The following TMEM132D variants were observed in gnomAD, a reference collection of about 807,000 sequenced individuals.
TMEM132D encodes the protein mature OL transmembrane protein.
TMEM132D carries 21 observed loss-of-function variants against 62.3 expected under a neutral mutation model. The ratio of observed to expected loss-of-function variants is 0.34; its 90% CI spans 0.24 to 0.49. The LOEUF (loss-of-function observed/expected upper bound fraction) is 0.49, where lower values mean the gene tolerates loss of function less well. TMEM132D is among the 20% of genes least tolerant of loss of function. The pLI, the probability that TMEM132D is intolerant of heterozygous loss-of-function variation, is 0.99. For missense variants in TMEM132D, 1,346 were observed against 1,402.8 expected (o/e 0.96, Z 0.65); for synonymous variants, 621 against 575.6 (o/e 1.08, Z -1.13).
intron 3 of TMEM132D, among the ~76,000 whole-genome samples, chr12:129,451,769 G>T (rs1462468738): frequency 6.6e-6 from 1 of 152,186 alleles, no homozygotes; most frequent in Non-Finnish European, 1.5e-5. Flanking sequence ...GGAGGAAAGG[G>T]CAAAGGCAGA....
At chr12:129,818,513 G>A (rs575156967) in intron 1 of TMEM132D, among the ~76,000 whole-genome samples, 29 of 149,792 alleles carry the variant, frequency 1.9e-4, no homozygotes, top group African/African-American at 5.9e-4. Context: ...GTGTATGTGC[G>A]CATCTGTGTG....
intron 1 of TMEM132D, among the ~76,000 whole-genome samples, chr12:129,706,771 C>T (rs780959503): frequency 7.9e-5 from 12 of 151,652 alleles, no homozygotes; most frequent in Admixed American, 2.0e-4. Context: ...ATCATATACA[C>T]GAGAATATAA....
rs148063278 is a variant in TMEM132D, at chr12:129,153,347, C to T, written c.1443+56173G>A. On this transcript the variant is annotated intron_variant, in intron 5 of 8. Transcript: ENST00000422113. ...AGAATTTAAATGTGGTGTTGGCTCA[C>T]GGCATACAAAGGTTGAAAACGATGG... Among the ~76,000 whole-genome samples the T allele has an allele frequency of 5.8e-3, 886 of 152,052 alleles. 8 individuals carry two copies. The highest frequency in any genetic ancestry group is 0.019 in the African/African-American group (802 of 41,452).
At chr12:129,620,890 C>T (rs1879047735) in intron 2 of TMEM132D, among the ~76,000 whole-genome samples, 2 of 152,060 alleles carry the variant, frequency 1.3e-5, no homozygotes, top group Non-Finnish European at 2.9e-5. Flanking sequence ...AATACCTAGG[C>T]GATGGGTTCA....
chr12:129,860,941 G>A (rs543467925), intron 1 of TMEM132D, among the ~76,000 whole-genome samples: 22 of 152,248 alleles, frequency 1.4e-4, no homozygotes, highest in Middle Eastern at 3.4e-3. Context: ...ACCTAGTCCC[G>A]CCCATGACAC....
At chr12:129,709,927 T>G (rs191945841) in intron 1 of TMEM132D, among the ~76,000 whole-genome samples, 44 of 152,348 alleles carry the variant, frequency 2.9e-4, no homozygotes, top group Admixed American at 9.8e-4. Flanking sequence ...ATTTTTACTT[T>G]ATACTCATTG....
intron 4 of TMEM132D, among the ~76,000 whole-genome samples, chr12:129,333,634 A>C (rs1157088060): frequency 6.6e-6 from 1 of 152,110 alleles, no homozygotes; most frequent in Non-Finnish European, 1.5e-5. Flanking sequence ...ACATTTCTCC[A>C]TGTGCACTCC....
chr12:129,734,183 G>T (rs1281091570), intron 1 of TMEM132D, among the ~76,000 whole-genome samples: 1 of 152,182 alleles, frequency 6.6e-6, no homozygotes, highest in African/African-American at 2.4e-5. Flanking sequence ...TGAATTAGCT[G>T]TCTTGCCCAT....
chr12:129,108,744 C>A (rs12304117), intron 5 of TMEM132D, among the ~76,000 whole-genome samples: 36,594 of 152,126 alleles, frequency 0.24, 4,598 homozygotes, highest in African/African-American at 0.3. Context: ...ACCCACACAT[C>A]GTCTTGAGTT....
intron 4 of TMEM132D, among the ~76,000 whole-genome samples, chr12:129,304,716 T>C (rs1267282562): frequency 6.9e-6 from 1 of 144,782 alleles, no homozygotes; most frequent in Non-Finnish European, 1.5e-5. Context: ...CAGGCTGGAA[T>C]GCAGTGTCGC....
intron 2 of TMEM132D, among the ~76,000 whole-genome samples, chr12:129,578,249 C>T (rs1368498380): frequency 2.0e-5 from 3 of 152,112 alleles, no homozygotes; most frequent in Admixed American, 6.6e-5. Flanking sequence ...AGAATGAATG[C>T]ACCCCAGGCT....
At chr12:129,149,694 C>T (rs1877017101) in intron 5 of TMEM132D, among the ~76,000 whole-genome samples, 1 of 152,162 alleles carries the variant, frequency 6.6e-6, no homozygotes, top group African/African-American at 2.4e-5. Flanking sequence ...AACGGTAGGG[C>T]TCCAGCCCCG....
At chr12:129,237,459 A>G (rs1382897121) in intron 4 of TMEM132D, among the ~76,000 whole-genome samples, 1 of 152,064 alleles carries the variant, frequency 6.6e-6, no homozygotes, top group Non-Finnish European at 1.5e-5. Context: ...AGTTCATGAT[A>G]TTTTCTAATT....
At chr12:129,496,003 T>C (rs1158428284) in intron 3 of TMEM132D, among the ~76,000 whole-genome samples, 1 of 152,204 alleles carries the variant, frequency 6.6e-6, no homozygotes, top group African/African-American at 2.4e-5. Flanking sequence ...AAATTCAATA[T>C]GAACACAAAG....
chr12:129,388,561 G>T (rs1178634019), intron 3 of TMEM132D, among the ~76,000 whole-genome samples: 2 of 80,226 alleles, frequency 2.5e-5, no homozygotes, highest in Admixed American at 1.3e-4. Context: ...ACACTAACAT[G>T]AATCCTAATA....
chr12:129,501,168 A>G, intron 3 of TMEM132D, among the ~76,000 whole-genome samples: 1 of 152,230 alleles, frequency 6.6e-6, no homozygotes, highest in South Asian at 2.1e-4. Flanking sequence ...GGGGAAATTC[A>G]TATTTAAAAT....
intron 1 of TMEM132D, among the ~76,000 whole-genome samples, chr12:129,813,611 G>GAA: frequency 7.3e-6 from 1 of 136,686 alleles, no homozygotes; most frequent in East Asian, 2.7e-4. Flanking sequence ...CAGAAAATGT[G>GAA]ATATATATAT....
At chr12:129,160,399 GAGCCAATA>G (rs1877369170) in intron 5 of TMEM132D, among the ~76,000 whole-genome samples, 1 of 152,180 alleles carries the variant, frequency 6.6e-6, no homozygotes, top group African/African-American at 2.4e-5. Flanking sequence ...CACCCAAATT[GAGCCAATA>G]AGACTCAGTC....
At chr12:129,797,134 G>A (rs991462623) in intron 1 of TMEM132D, among the ~76,000 whole-genome samples, 1 of 152,158 alleles carries the variant, frequency 6.6e-6, no homozygotes, top group Non-Finnish European at 1.5e-5. Flanking sequence ...CTTCAAAGGT[G>A]AGTAGAATTT....
Sources: gnomAD v4.1 joint callset for allele counts (sites outside exome capture counted in the v4.1 genomes callset) on GRCh38, gnomAD v4.1.1 for gene constraint, MANE v1.5 for transcripts, NCBI Gene and HGNC (gene_info 2026-07-23, HGNC 2026-07-21) for gene names.